Variants in LBR observed in about 807,000 individuals in gnomAD.
The protein encoded by LBR is lamin B receptor, also known as delta(14)-sterol reductase LBR.
Under a neutral mutation model 74.3 loss-of-function variants are expected in LBR, and 28 were observed. That is an observed-to-expected ratio of 0.38 (90% CI 0.28 to 0.52). The LOEUF (loss-of-function observed/expected upper bound fraction) is 0.52. LBR is among the 20% of genes least tolerant of loss of function. The probability of loss-of-function intolerance (pLI) is 0.89; values close to 1 mark genes in which losing one functional copy is unlikely to be tolerated. For synonymous variants in LBR, 228 were observed against 269.3 expected (o/e 0.85, Z 1.50); for missense variants, 717 against 760.3 (o/e 0.94, Z 0.67).
At chr1:225,413,449 T>C (rs2150951070) in intron 7 of LBR, among the ~76,000 whole-genome samples, 1 of 152,346 alleles carries the variant, frequency 6.6e-6, no homozygotes, top group South Asian at 2.1e-4. Context: ...AGAGCTGTGA[T>C]CCTAAAAAGT....
intron 6 of LBR, among the ~76,000 whole-genome samples, chr1:225,415,814 G>A (rs529092369): frequency 7.9e-5 from 12 of 152,188 alleles, no homozygotes; most frequent in South Asian, 2.1e-4. Context: ...ATTTGATGAC[G>A]CATACTCATA....
chr1:225,404,957 C>T (rs111461927), intron 11 of LBR, among the ~76,000 whole-genome samples: 4 of 152,116 alleles, frequency 2.6e-5, no homozygotes, highest in South Asian at 2.1e-4. Context: ...GATGGTAACC[C>T]GTCCGAAATC....
chr1:225,423,416 C>CT (rs920192096), intron 2 of LBR, among the ~76,000 whole-genome samples: 4 of 151,712 alleles, frequency 2.6e-5, no homozygotes, highest in South Asian at 4.2e-4. Flanking sequence ...TAAAAGCCCC[C>CT]CCAGCCTGGC....
At chr1:225,424,586 T>C (rs757480698) in intron 1 of LBR, among the ~76,000 whole-genome samples, 22 of 152,342 alleles carry the variant, frequency 1.4e-4, no homozygotes, top group Middle Eastern at 3.4e-3. Context: ...TCCAAGTCTG[T>C]AATGAATAAA....
intron 1 of LBR, among the ~76,000 whole-genome samples, chr1:225,425,947 C>A (rs1433269781): frequency 6.6e-6 from 1 of 152,186 alleles, no homozygotes. Context: ...GGCATCTTTC[C>A]ATTGCACTTA....
chr1:225,411,758 GA>G (rs1322971724), intron 8 of LBR, among the ~76,000 whole-genome samples: 2 of 152,172 alleles, frequency 1.3e-5, no homozygotes, highest in East Asian at 3.8e-4. Context: ...TTTTTATATT[GA>G]AATACTTCAG....
In LBR at chr1:225,415,331, A is replaced by C. The variant is rs1325056362; in HGVS notation, c.839T>G (p.Val280Gly). The change falls in exon 7 of 14, where the codon GTT becomes GGT. Residue 280 changes from valine (V) to glycine (G), a missense_variant and splice_region_variant. By Grantham distance (109) the Val-to-Gly change is moderately radical (BLOSUM62 -3). Transcript: ENST00000272163. ...ATCAATAAGAGGCGTTCCTTCTACAACCTTAAAAGAAAAAAAATTTACAAA... is the reference window on the plus strand; with the variant it reads ...ATCAATAAGAGGCGTTCCTTCTACACCCTTAAAAGAAAAAAAATTTACAAA... ...VLFYLLPIGK[V>G]VEGTPLIDGR... 1 of 1,578,378 alleles carries C rather than the reference A, an allele frequency of 6.3e-7. No homozygotes were observed. Among genetic ancestry groups the C allele is most frequent in the Non-Finnish European group, 8.7e-7 (1 of 1,151,138 alleles).
intron 6 of LBR, chr1:225,417,477 T>C (rs2096119567): frequency 6.5e-6 from 1 of 152,824 alleles, no homozygotes; most frequent in Non-Finnish European, 1.5e-5. Context: ...GACAACAAGC[T>C]TCTGAAAGAG....
Position 225,426,347 on chromosome 1 carries a change from T to A in LBR, c.-15+1607A>T, listed in dbSNP as rs370518605. Among the ~76,000 whole-genome samples, 5 of 152,234 alleles carry A rather than the reference T, an allele frequency of 3.3e-5. No individual in the cohort carries two copies. In the East Asian group the frequency reaches 9.6e-4, roughly 29 times the overall value. Reference sequence around the variant, plus strand: ...TTTGTTCGTGTCACTCACTATGCACTCACCTACAGGAGTCAAGATACACAC... The same window carrying A: ...TTTGTTCGTGTCACTCACTATGCACACACCTACAGGAGTCAAGATACACAC... On this transcript the variant is annotated intron_variant, in intron 1 of 13. Coordinates refer to ENST00000272163, the MANE Select transcript of LBR (RefSeq NM_002296.4).
In LBR at chr1:225,422,291, A is replaced by G. The variant is rs1484923822; in HGVS notation, c.166-14T>C. On this transcript the variant is annotated splice_polypyrimidine_tract_variant and intron_variant, in intron 2 of 13. Transcript: ENST00000272163. The stretch of plus-strand genomic sequence containing the variant: ...GGAAGTTAAAGGCTAGAAAGGGGGA[A>G]GAAGGCAAAGAGCTTTACCACAAAT... 1.2e-6 allele frequency: 2 copies of G among 1,604,466 alleles called. No homozygotes were observed. The highest frequency in any genetic ancestry group is 1.1e-5 in the South Asian group (1 of 90,732).
chr1:225,408,504 G>A (rs183223446), intron 10 of LBR, among the ~76,000 whole-genome samples: 11 of 152,188 alleles, frequency 7.2e-5, no homozygotes, highest in East Asian at 1.9e-4. Context: ...TTCACAGGAC[G>A]GCTCAGAGGA....
chr1:225,424,098 T>C lies in LBR; in HGVS notation c.-14-9A>G, dbSNP rs375540112. 116 of 1,610,250 alleles carry C rather than the reference T, an allele frequency of 7.2e-5. No homozygotes were observed. The East Asian group carries it at 2.2e-3, about 30-fold the overall frequency. On this transcript the variant is annotated splice_polypyrimidine_tract_variant and intron_variant, in intron 1 of 13. Transcript: ENST00000272163. ...CATTTTCTATAATTAACCTGAATAG[T>C]TTTAAAGAAAAAAATTTGAGTCAAT...
intron 8 of LBR, 58 bp downstream of exon 8, chr1:225,412,396 A>T: frequency 1.3e-6 from 2 of 1,505,200 alleles, no homozygotes; most frequent in Non-Finnish European, 1.8e-6. Flanking sequence ...AAATCTGGAA[A>T]TGGCTGCTGG....
chr1:225,420,848 A>G (rs2096126298), intron 3 of LBR, among the ~76,000 whole-genome samples: 1 of 152,134 alleles, frequency 6.6e-6, no homozygotes, highest in African/African-American at 2.4e-5. Context: ...ACTACTATAA[A>G]CTTTCTTGAT....
intron 10 of LBR, among the ~76,000 whole-genome samples, chr1:225,407,927 G>A (rs1484425392): frequency 5.9e-5 from 9 of 151,728 alleles, no homozygotes; most frequent in Admixed American, 5.2e-4. Flanking sequence ...TGTAATAATC[G>A]TACATATTTA....
chr1:225,422,275 A>G lies in LBR; in HGVS notation c.168T>C (p.Pro56=), dbSNP rs1558657881. Residue 56 remains proline, a splice_region_variant and synonymous_variant, in exon 3 of 14, where the codon CCT becomes CCC. Coordinates refer to ENST00000272163, the MANE Select transcript of LBR (RefSeq NM_002296.4). ...ELELKENDIK[P]LTSFRQRKGG... ...CTTTCCTTTGCCTAAAGGAAGTTAA[A>G]GGCTAGAAAGGGGGAAGAAGGCAAA... 2 of 1,612,922 alleles carry G rather than the reference A, an allele frequency of 1.2e-6. No individual in the cohort carries two copies. Among genetic ancestry groups the G allele is most frequent in the Non-Finnish European group, 1.7e-6 (2 of 1,179,680 alleles).
intron 1 of LBR, among the ~76,000 whole-genome samples, chr1:225,427,145 G>A (rs1380698514): frequency 6.6e-6 from 1 of 152,132 alleles, no homozygotes; most frequent in Non-Finnish European, 1.5e-5. Flanking sequence ...ACACCCGACC[G>A]GGCCCCGTAA....
chr1:225,423,861 T>C lies in LBR; in HGVS notation c.165+50A>G, dbSNP rs771438393. On this transcript the variant is annotated intron_variant, in intron 2 of 13. Transcript: ENST00000272163. ...TGAGCTTAGAAACCATACTTAGAGT[T>C]ATTTCCCACTTACTGTAAACACACT... is the stretch of plus-strand genomic sequence containing the variant. 6.5e-6 allele frequency: 10 copies of C among 1,533,458 alleles called. No individual in the cohort carries two copies. The African/African-American group carries it at 1.4e-4, about 21-fold the overall frequency. 95.0% of individuals were successfully genotyped at this position (1,533,458 alleles called of 1,614,324 possible).
chr1:225,409,561 T>C (rs1326097034), intron 10 of LBR, among the ~76,000 whole-genome samples: 2 of 152,224 alleles, frequency 1.3e-5, no homozygotes, highest in Non-Finnish European at 2.9e-5. Context: ...TTTGGAACAT[T>C]ATGATGTACA....
Sources: gnomAD v4.1 joint callset for allele counts (sites outside exome capture counted in the v4.1 genomes callset) on GRCh38, gnomAD v4.1.1 for gene constraint, MANE v1.5 for transcripts, NCBI Gene and HGNC (gene_info 2026-07-23, HGNC 2026-07-21) for gene names.